The following ECPAS variants were observed in gnomAD, a reference collection of about 807,000 sequenced individuals.
The protein encoded by ECPAS is proteasome adapter and scaffold protein ECM29.
ECPAS carries 70 observed loss-of-function variants against 255.1 expected under a neutral mutation model. That is an observed-to-expected ratio of 0.27 (90% CI 0.23 to 0.33). The LOEUF is 0.33. ECPAS is among the 10% of genes least tolerant of loss of function. The pLI is 1.00. For missense variants in ECPAS, 1,817 were observed against 2,206.4 expected (o/e 0.82, Z 3.54); for synonymous variants, 784 against 775.0 (o/e 1.01, Z -0.19).
At chr9:111,483,973 C>G in intron 1 of ECPAS, 143 bp downstream of exon 1, 2 of 991,382 alleles carry the variant, frequency 2.0e-6, no homozygotes, top group Non-Finnish European at 2.4e-6. Flanking sequence ...GCTCGCGGCT[C>G]GTCCTGCCCA....
intron 36 of ECPAS, among the ~76,000 whole-genome samples, chr9:111,377,730 T>C (rs1243278415): frequency 6.6e-6 from 1 of 152,242 alleles, no homozygotes; most frequent in African/African-American, 2.4e-5. Context: ...CAGGAAACTT[T>C]TGACAGCAGG....
intron 8 of ECPAS, among the ~76,000 whole-genome samples, chr9:111,432,668 T>C (rs866412409): frequency 1.3e-5 from 2 of 152,336 alleles, no homozygotes; most frequent in South Asian, 4.1e-4. Context: ...GAAACGTAAA[T>C]GGGTTTAACC....
intron 33 of ECPAS, 125 bp downstream of exon 33, chr9:111,385,212 T>G (rs745328001): frequency 6.7e-6 from 4 of 600,556 alleles, no homozygotes; most frequent in Non-Finnish European, 1.2e-5. Flanking sequence ...GACTGAAACT[T>G]TGGGGGAAAA....
Position 111,396,376 on chromosome 9 carries a change from T to C in ECPAS, c.2776+654A>G, listed in dbSNP as rs182176074. Reference sequence around the variant, plus strand: ...GCTAGCAGAAGGCACTGAGGCTTCATTATGTAATAAAGGATTAGAGGACAC... The same window carrying C: ...GCTAGCAGAAGGCACTGAGGCTTCACTATGTAATAAAGGATTAGAGGACAC... On this transcript the variant is annotated intron_variant, in intron 25 of 49. Transcript: ENST00000684092. 2.6e-5 allele frequency among the ~76,000 whole-genome samples: 4 copies of C among 152,290 alleles called. No individual in the cohort carries two copies. The East Asian group carries it at 7.7e-4, about 29-fold the overall frequency.
intron 24 of ECPAS, among the ~76,000 whole-genome samples, chr9:111,407,038 T>C (rs1402318344): frequency 6.7e-6 from 1 of 148,576 alleles, no homozygotes; most frequent in Non-Finnish European, 1.5e-5. Flanking sequence ...TAGCTTTTCA[T>C]GTATTTCTAA....
At chr9:111,428,194 A>C in intron 9 of ECPAS, 33 bp from the exon 10 acceptor site, 1 of 1,579,970 alleles carries the variant, frequency 6.3e-7, no homozygotes, top group Non-Finnish European at 8.6e-7. Context: ...TAACTCAGCA[A>C]TTCAAAATTA....
At chr9:111,429,678 T>C (rs1459686939) in intron 9 of ECPAS, among the ~76,000 whole-genome samples, 1 of 152,168 alleles carries the variant, frequency 6.6e-6, no homozygotes, top group Non-Finnish European at 1.5e-5. Flanking sequence ...AGGGCTAATA[T>C]TGATTTTTAA....
chr9:111,478,516 G>C (rs954362648), intron 1 of ECPAS, among the ~76,000 whole-genome samples: 1 of 152,054 alleles, frequency 6.6e-6, no homozygotes, highest in Non-Finnish European at 1.5e-5. Flanking sequence ...AACAGTGCGA[G>C]ACTCCATCTC....
Position 111,437,056 on chromosome 9 carries a change from A to G in ECPAS, c.592T>C (p.Ser198Pro). The change falls in exon 7 of 50, where the codon TCT (serine) becomes CCT (proline). Residue 198 changes from serine (S) to proline (P), a missense_variant. Physicochemically the swap from Ser to Pro is moderately conservative, Grantham distance 74. Around this residue, in one of 4 missense-constraint regions of ECPAS, gnomAD observed 573 missense variants for 716.2 expected, o/e 0.80. Transcript: ENST00000684092. ...SRQNSSSAQG[S>P]SSNSGGGSGI... ...GAACCTCCGCCACTGTTTGAAGAAG[A>G]ACCCTGTGCTGAAGATGAATTTTGG... 1 of 1,612,096 alleles carries G rather than the reference A, an allele frequency of 6.2e-7. No homozygotes were observed. The highest frequency in any genetic ancestry group is 8.5e-7 in the Non-Finnish European group (1 of 1,179,402).
rs1187210387 is a variant in ECPAS, at chr9:111,412,115, C to T, written c.2113G>A (p.Glu705Lys). The T allele has an allele frequency of 2.5e-6, 4 of 1,590,128 alleles. No individual in the cohort carries two copies. The highest frequency in any genetic ancestry group is 1.2e-5 in the South Asian group (1 of 85,438). The change falls in exon 21 of 50, where the codon GAA (glutamate) becomes AAA (lysine). Residue 705 changes from glutamate to lysine, a missense_variant. Glu to Lys is a moderately conservative substitution (Grantham distance 56). Coordinates refer to ENST00000684092, the MANE Select transcript of ECPAS (RefSeq NM_001364929.1). ...ACAGAATAAAACAACGCTGCCAGTT[C>T]GCGCATTTCTTCTTTACTGTTATTC... ...LMNNSKEEMRELAALFYSVVV... is the reference protein window; with the variant it reads ...LMNNSKEEMRKLAALFYSVVV...
chr9:111,466,614 A>C (rs959883199), intron 2 of ECPAS, among the ~76,000 whole-genome samples: 1 of 106,448 alleles, frequency 9.4e-6, no homozygotes, highest in Non-Finnish European at 1.8e-5. Flanking sequence ...TAAATAACTA[A>C]ATACACACAC....
intron 2 of ECPAS, among the ~76,000 whole-genome samples, chr9:111,460,202 T>C (rs2098271571): frequency 2.6e-5 from 4 of 152,274 alleles, no homozygotes; most frequent in South Asian, 4.1e-4. Context: ...ATTAACACAA[T>C]AGAGAATAAC....
chr9:111,397,235 G>A, intron 24 of ECPAS, 82 bp from the exon 25 acceptor site: 1 of 1,549,718 alleles, frequency 6.5e-7, no homozygotes, highest in Non-Finnish European at 8.8e-7. Flanking sequence ...CTGCTTAAAA[G>A]TGTGGTTCTG....
intron 5 of ECPAS, 145 bp downstream of exon 5, chr9:111,442,161 G>A: frequency 1.9e-6 from 1 of 535,868 alleles, no homozygotes; most frequent in East Asian, 3.1e-5. Context: ...TAACTTTGAG[G>A]TACCACGGAA....
At chr9:111,391,274 CA>C (rs1473744745) in intron 29 of ECPAS, among the ~76,000 whole-genome samples, 11 of 152,092 alleles carry the variant, frequency 7.2e-5, no homozygotes, top group Middle Eastern at 3.2e-3. Context: ...TTTCCCAGGA[CA>C]CTCAATTTAA....
At chr9:111,380,461 T>C (rs2098139221) in intron 35 of ECPAS, among the ~76,000 whole-genome samples, 1 of 152,208 alleles carries the variant, frequency 6.6e-6, no homozygotes, top group African/African-American at 2.4e-5. Context: ...TGTTGTTCCA[T>C]TTCTAGAGCA....
At chr9:111,472,329 G>A (rs1378311975) in intron 2 of ECPAS, among the ~76,000 whole-genome samples, 16 of 151,856 alleles carry the variant, frequency 1.1e-4, no homozygotes, top group Admixed American at 1.1e-3. Context: ...TTGTGATTGT[G>A]GCACACAAAG....
chr9:111,413,504 T>C (rs1192539414), intron 20 of ECPAS, among the ~76,000 whole-genome samples: 4 of 152,168 alleles, frequency 2.6e-5, no homozygotes, highest in Admixed American at 6.5e-5. Flanking sequence ...AAGTGGTCAC[T>C]TATATATGTT....
In ECPAS at chr9:111,441,114, T is replaced by C. The variant is rs191052610; in HGVS notation, c.390-593A>G. ...TTGCAGTGAGCCGAGATCAAGCCAC[T>C]GCACTCCAACCTGGGCAACAGAGTG... On this transcript the variant is annotated intron_variant, in intron 5 of 49. Transcript: ENST00000684092. 2.3e-3 allele frequency among the ~76,000 whole-genome samples: 349 copies of C among 150,458 alleles called. 4 individuals are homozygous for C. The highest frequency in any genetic ancestry group is 8.4e-3 in the African/African-American group (342 of 40,828).
Sources: gnomAD v4.1 joint callset for allele counts (sites outside exome capture counted in the v4.1 genomes callset) on GRCh38, gnomAD v4.1.1 for gene constraint, gnomAD v4.1.1 regional missense constraint, MANE v1.5 for transcripts, NCBI Gene and HGNC (gene_info 2026-07-23, HGNC 2026-07-21) for gene names.